The following POLA1 variants were observed in gnomAD, a reference collection of about 807,000 sequenced individuals.
POLA1 encodes the protein DNA polymerase alpha catalytic subunit.
POLA1 carries 15 observed loss-of-function variants against 124.0 expected under a neutral mutation model. That is an observed-to-expected ratio of 0.12 (90% CI 0.08 to 0.19). POLA1 has a LOEUF of 0.19. POLA1 is among the 10% of genes least tolerant of loss of function. The pLI, the probability that POLA1 is intolerant of heterozygous loss-of-function variation, is 1.00. For synonymous variants in POLA1, 408 were observed against 389.4 expected (o/e 1.05, Z -0.56); for missense variants, 886 against 1,103.4 (o/e 0.80, Z 2.79).
At chrX:24,794,880 T>C (rs1234555441) in intron 26 of POLA1, among the ~76,000 whole-genome samples, 2 of 110,531 alleles carry the variant, frequency 1.8e-5, no homozygotes, top group Non-Finnish European at 3.8e-5. Context: ...TTTTTAAAAG[T>C]GTTTATCTGT....
At chrX:24,807,630 G>GA (rs749893231) in intron 26 of POLA1, among the ~76,000 whole-genome samples, 1 of 112,150 alleles carries the variant, frequency 8.9e-6, no homozygotes, top group South Asian at 3.7e-4. Flanking sequence ...CTATTACAGT[G>GA]AAGTCTGCAC....
intron 35 of POLA1, among the ~76,000 whole-genome samples, chrX:24,893,144 C>G (rs995682403): frequency 9.0e-6 from 1 of 111,382 alleles, no homozygotes; most frequent in Admixed American, 9.5e-5. Flanking sequence ...CAGAAGAAAA[C>G]ATGAAAATAA....
chrX:24,890,510 A>G (rs1189239129), intron 35 of POLA1, among the ~76,000 whole-genome samples: 1 of 112,050 alleles, frequency 8.9e-6, no homozygotes, highest in Non-Finnish European at 1.9e-5. Flanking sequence ...TTTTTTCTTT[A>G]TTTGACATTT....
chrX:24,723,119 TG>T, intron 10 of POLA1, 35 bp from the exon 11 acceptor site: 1 of 972,976 alleles, frequency 1.0e-6, no homozygotes, highest in Non-Finnish European at 1.5e-6. Flanking sequence ...GAAATTGAAA[TG>T]TTTCTTTTCT....
At chrX:24,843,062 T>G in intron 33 of POLA1, among the ~76,000 whole-genome samples, 1 of 112,238 alleles carries the variant, frequency 8.9e-6, no homozygotes, top group Non-Finnish European at 1.9e-5. Context: ...TAAGTGATAC[T>G]GTTTTTGTGG....
chrX:24,706,529 A>G (rs1928818041), intron 4 of POLA1, among the ~76,000 whole-genome samples: 1 of 112,343 alleles, frequency 8.9e-6, no homozygotes, highest in African/African-American at 3.2e-5. Context: ...GAGTTCATAC[A>G]GATATATTTG....
At chrX:24,709,335 G>A (rs538730807) in intron 4 of POLA1, among the ~76,000 whole-genome samples, 9 of 95,893 alleles carry the variant, frequency 9.4e-5, no homozygotes, top group South Asian at 5.1e-4. Context: ...CTGGCTGGGC[G>A]GGGGGCTGAC....
chrX:24,943,646 C>G (rs1020079364), intron 36 of POLA1, among the ~76,000 whole-genome samples: 2 of 112,468 alleles, frequency 1.8e-5, no homozygotes, highest in Admixed American at 9.4e-5. Context: ...TCACTTTTAA[C>G]AAATAAGCCG....
rs1227500996 is a variant in POLA1, at chrX:24,996,049, C to G, written c.*99C>G. ...AAATGCTCCTCCAGCATCTGTTTCT[C>G]CCTTGGGACTGTGTCTCATGTTTGT... On this transcript the variant is annotated 3_prime_UTR_variant, in exon 37 of 37. Coordinates refer to ENST00000379068, the MANE Select transcript of POLA1 (RefSeq NM_001330360.2). 5.4e-6 allele frequency: 4 copies of G among 747,084 alleles called. No individual in the cohort carries two copies. The highest frequency in any genetic ancestry group is 7.9e-6 in the Non-Finnish European group (4 of 506,859). The allele number at this position is 747,084 out of a possible 1,213,427, so 61.6% of individuals were successfully genotyped here.
intron 36 of POLA1, among the ~76,000 whole-genome samples, chrX:24,943,836 T>A (rs1351869236): frequency 8.9e-6 from 1 of 112,414 alleles, no homozygotes; most frequent in Non-Finnish European, 1.9e-5. Flanking sequence ...AGCAAGGTTC[T>A]GCTATTCCTT....
chrX:24,880,523 G>A (rs773755304), intron 34 of POLA1, among the ~76,000 whole-genome samples: 4 of 112,011 alleles, frequency 3.6e-5, no homozygotes, highest in Non-Finnish European at 5.6e-5. Flanking sequence ...CCAGCATGCT[G>A]CAGTGTAGAA....
At chrX:24,748,499 C>T in intron 25 of POLA1, 39 bp downstream of exon 25, 1 of 1,058,255 alleles carries the variant, frequency 9.4e-7, no homozygotes, top group Non-Finnish European at 1.3e-6. Context: ...GTGACAGTCT[C>T]AGCTTTTACA....
chrX:24,824,458 A>G (rs2046140415), intron 31 of POLA1, among the ~76,000 whole-genome samples: 1 of 96,345 alleles, frequency 1.0e-5, no homozygotes, highest in African/African-American at 4.2e-5. Context: ...ATGCCTGGCT[A>G]ACTTTTTTTT....
intron 26 of POLA1, chrX:24,775,482 G>A (rs1257222738): frequency 8.9e-6 from 1 of 112,261 alleles, no homozygotes; most frequent in Non-Finnish European, 1.9e-5. Flanking sequence ...GCACGCACAT[G>A]CATTATCAGA....
intron 32 of POLA1, among the ~76,000 whole-genome samples, chrX:24,835,358 G>A (rs1023500462): frequency 1.8e-5 from 2 of 110,979 alleles, no homozygotes; most frequent in African/African-American, 6.6e-5. Flanking sequence ...GGCCCATTTT[G>A]CATTTCTAAA....
In POLA1 at chrX:24,843,641, C is replaced by T; in HGVS notation, c.4011C>T (p.Ile1337=). 3.4e-6 allele frequency: 4 copies of T among 1,181,407 alleles called. No individual in the cohort carries two copies. Among genetic ancestry groups the T allele is most frequent in the Admixed American group, 4.5e-5 (2 of 44,485 alleles). ...TFTVQLSNKL[I]MDIRRFIKKY... ...CAGTACAACTGAGCAACAAATTGATCATGGACATTAGACGTTTCATTAAAA... is the reference window on the plus strand; with the variant it reads ...CAGTACAACTGAGCAACAAATTGATTATGGACATTAGACGTTTCATTAAAA... Residue 1337 remains isoleucine (I), a synonymous_variant, in exon 34 of 37, where the codon ATC becomes ATT. Transcript: ENST00000379068.
intron 35 of POLA1, among the ~76,000 whole-genome samples, chrX:24,904,102 T>G (rs188629822): frequency 9.6e-6 from 1 of 104,416 alleles, no homozygotes; most frequent in Non-Finnish European, 2.0e-5. Flanking sequence ...GACTGGCTAG[T>G]TTTTTTATTT....
At chrX:24,859,290 C>G (rs1349318044) in intron 34 of POLA1, among the ~76,000 whole-genome samples, 1 of 111,726 alleles carries the variant, frequency 9.0e-6, no homozygotes, top group Non-Finnish European at 1.9e-5. Context: ...TTTGGGAGCA[C>G]TGCATTAGGC....
chrX:24,815,141 C>T (rs749998358), intron 30 of POLA1, 30 bp downstream of exon 30: 8 of 1,174,463 alleles, frequency 6.8e-6, no homozygotes, highest in Admixed American at 4.6e-5. Context: ...CTGAGCCCAG[C>T]TGCTGTCATG....
Sources: allele counts gnomAD v4.1 joint callset (sites outside exome capture counted in the v4.1 genomes callset), GRCh38; gene constraint gnomAD v4.1.1; transcripts MANE v1.5; gene names NCBI Gene and HGNC (gene_info 2026-07-23, HGNC 2026-07-21).